Variants in DNAH9 observed in about 807,000 individuals in gnomAD.
DNAH9 encodes the protein DNAH9 variant protein.
In DNAH9, 345 loss-of-function variants were observed where a neutral mutation model predicts 471.6. That is an observed-to-expected ratio of 0.73 (90% CI 0.67 to 0.80). DNAH9 has a LOEUF of 0.80. Ranked by LOEUF, DNAH9 falls within the 30% of genes least tolerant of loss-of-function variation. The pLI is 0.00. For synonymous variants in DNAH9, 2,093 were observed against 2,123.6 expected (o/e 0.99, Z 0.40); for missense variants, 5,407 against 5,609.2 (o/e 0.96, Z 1.15).
chr17:11,821,116 C>G (rs1970293383), intron 45 of DNAH9, among the ~76,000 whole-genome samples: 1 of 151,988 alleles, frequency 6.6e-6, no homozygotes, highest in Admixed American at 6.6e-5. Context: ...AATTCTATCT[C>G]TACTAAAAAT....
intron 26 of DNAH9, among the ~76,000 whole-genome samples, chr17:11,713,096 C>T (rs536286201): frequency 2.0e-5 from 3 of 152,140 alleles, no homozygotes; most frequent in East Asian, 3.9e-4. Flanking sequence ...TTGTTTCCTT[C>T]TTTGTGTTAA....
In DNAH9 at chr17:11,735,175, G is replaced by C. The variant is rs148016823; in HGVS notation, c.5815-3705G>C. 9.2e-3 allele frequency among the ~76,000 whole-genome samples: 1,400 copies of C among 152,244 alleles called. 21 individuals are homozygous for C. The highest frequency in any genetic ancestry group is 0.031 in the African/African-American group (1,308 of 41,532). ...AAATGTTAGGTCTAGATCAGGGCTT[G>C]TCAACCTAAGCACTATTGATGCTTT... On this transcript the variant is annotated intron_variant, in intron 28 of 68. Coordinates refer to ENST00000262442, the MANE Select transcript of DNAH9 (RefSeq NM_001372.4).
At chr17:11,846,670 T>G (rs1321565155) in intron 49 of DNAH9, among the ~76,000 whole-genome samples, 16 of 140,002 alleles carry the variant, frequency 1.1e-4, no homozygotes, top group Non-Finnish European at 2.3e-4. Flanking sequence ...TGTATCCTCT[T>G]TTATTTCCTT....
intron 12 of DNAH9, 90 bp downstream of exon 12, chr17:11,647,288 T>C (rs2073413362): frequency 7.5e-7 from 1 of 1,339,790 alleles, no homozygotes; most frequent in Admixed American, 2.0e-5. Context: ...TTTTATTTTT[T>C]TGAGACGGAG....
At chr17:11,628,643 G>A (rs551947360) in intron 6 of DNAH9, among the ~76,000 whole-genome samples, 1 of 152,262 alleles carries the variant, frequency 6.6e-6, no homozygotes, top group South Asian at 2.1e-4. Context: ...GTCACCCTCT[G>A]GGCATGTCTT....
Position 11,704,449 on chromosome 17 carries a change from C to T in DNAH9, c.5391+7C>T. On this transcript the variant is annotated splice_region_variant and intron_variant, in intron 25 of 68. Coordinates refer to ENST00000262442, the MANE Select transcript of DNAH9 (RefSeq NM_001372.4). The stretch of plus-strand genomic sequence containing the variant: ...CAAGATGATTGCTCAGAAGGTGGGT[C>T]CCAAACATCCAGGGATGCCCACTTT... The T allele has an allele frequency of 1.9e-6, 3 of 1,611,888 alleles. No individual in the cohort carries two copies. The highest frequency in any genetic ancestry group is 2.5e-6 in the Non-Finnish European group (3 of 1,179,650).
At position 11,632,659 on chromosome 17, in the gene DNAH9, A is replaced by T. The variant is rs765565928; in HGVS notation, c.1591A>T (p.Ile531Phe). 4 of 1,611,288 alleles carry T rather than the reference A, an allele frequency of 2.5e-6. No individual in the cohort carries two copies. The highest frequency in any genetic ancestry group is 3.4e-6 in the Non-Finnish European group (4 of 1,177,410). Reference sequence around the variant, plus strand: ...TGACCGAAGATTGGGGACTATCTTTATTCAAGCTTTTGATGATGCACCTGG... The same window carrying T: ...TGACCGAAGATTGGGGACTATCTTTTTTCAAGCTTTTGATGATGCACCTGG... Reference protein sequence around the residue: ...DLDRRLGTIFIQAFDDAPGLE... With the variant: ...DLDRRLGTIFFQAFDDAPGLE... Residue 531 changes from isoleucine (I) to phenylalanine (F), a missense_variant, in exon 8 of 69, where the codon ATT (isoleucine) becomes TTT (phenylalanine). By Grantham distance (21) the Ile-to-Phe change is conservative (BLOSUM62 0). Transcript: ENST00000262442.
chr17:11,608,353 G>A (rs755883355), intron 2 of DNAH9, 28 bp downstream of exon 2: 102 of 1,536,598 alleles, frequency 6.6e-5, no homozygotes, highest in Non-Finnish European at 9.0e-5. Flanking sequence ...GGCCATATGG[G>A]CCTCTGAGAT....
chr17:11,744,361 C>T (rs780570819), intron 30 of DNAH9, among the ~76,000 whole-genome samples: 112 of 152,134 alleles, frequency 7.4e-4, no homozygotes, highest in Non-Finnish European at 2.8e-4. Flanking sequence ...TTTGACAGAA[C>T]CCACTTTAAG....
At chr17:11,850,394 A>G (rs1971373318) in intron 49 of DNAH9, among the ~76,000 whole-genome samples, 1 of 152,212 alleles carries the variant, frequency 6.6e-6, no homozygotes, top group African/African-American at 2.4e-5. Context: ...CACGCCTGTA[A>G]TCCCAGCACT....
At position 11,744,927 on chromosome 17, in the gene DNAH9, A is replaced by G. The variant is rs752058038; in HGVS notation, c.6242A>G (p.Lys2081Arg). Residue 2081 changes from lysine (K) to arginine (R), a missense_variant, in exon 31 of 69, where the codon AAG becomes AGG. Around this residue, in one of 3 missense-constraint regions of DNAH9, gnomAD observed 4,636 missense variants for 4,900.3 expected, o/e 0.95. Transcript: ENST00000262442. ...TCCTTGCGGGATTTCAACATCCCCA[A>G]GATTGTGACTGATGACATGCCCATC... ...MRSLRDFNIP[K>R]IVTDDMPIFM... The G allele has an allele frequency of 6.2e-6, 10 of 1,614,080 alleles. No individual in the cohort carries two copies. The highest frequency in any genetic ancestry group is 1.7e-5 in the Admixed American group (1 of 60,006).
intron 49 of DNAH9, among the ~76,000 whole-genome samples, chr17:11,848,188 A>C (rs953497752): frequency 6.6e-6 from 1 of 152,202 alleles, no homozygotes; most frequent in African/African-American, 2.4e-5. Flanking sequence ...TTTTGCCTGC[A>C]GAAACCCTAA....
At chr17:11,857,509 A>G (rs1181087594) in intron 50 of DNAH9, among the ~76,000 whole-genome samples, 1 of 152,138 alleles carries the variant, frequency 6.6e-6, no homozygotes, top group Non-Finnish European at 1.5e-5. Context: ...CCAATCTCAC[A>G]TACACACACC....
Position 11,807,764 on chromosome 17 carries a change from G to T in DNAH9, c.8453G>T (p.Arg2818Leu). ...ATCAATCGCATCTTGGAGTCCCCGCGGGGAAATGCTCTGCTGGTTGGTGTA... is the reference window on the plus strand; with the variant it reads ...ATCAATCGCATCTTGGAGTCCCCGCTGGGAAATGCTCTGCTGGTTGGTGTA... ...CHINRILESP[R>L]GNALLVGVGG... is the part of the protein sequence containing the mutation. The change falls in exon 44 of 69, where the codon CGG becomes CTG. Residue 2818 changes from arginine (R) to leucine (L), a missense_variant. By Grantham distance (102) the Arg-to-Leu change is moderately radical. Coordinates refer to ENST00000262442, the MANE Select transcript of DNAH9 (RefSeq NM_001372.4). 1 of 1,612,636 alleles carries T rather than the reference G, an allele frequency of 6.2e-7. No individual in the cohort carries two copies. The highest frequency in any genetic ancestry group is 8.5e-7 in the Non-Finnish European group (1 of 1,178,824).
At chr17:11,948,957 AG>A (rs1975255902) in intron 67 of DNAH9, among the ~76,000 whole-genome samples, 1 of 152,176 alleles carries the variant, frequency 6.6e-6, no homozygotes, top group Non-Finnish European at 1.5e-5. Context: ...CCGTGAGCCC[AG>A]GGCAACAGCT....
intron 26 of DNAH9, among the ~76,000 whole-genome samples, chr17:11,716,024 G>A (rs2074954605): frequency 6.6e-6 from 1 of 151,990 alleles, no homozygotes; most frequent in African/African-American, 2.4e-5. Context: ...AGTGGCCCAG[G>A]CGTCATGGCA....
rs777739375 is a variant in DNAH9 at position 11,881,305 on chromosome 17, G to T, written c.10698G>T (p.Leu3566=). The T allele has an allele frequency of 1.9e-5, 30 of 1,614,020 alleles. No individual in the cohort carries two copies. The highest frequency in any genetic ancestry group is 2.2e-5 in the East Asian group (1 of 44,874). ...CTAATCCTCACTACCAGCCTGAGCT[G>T]CAGGCTCAGGCCACCCTGATCAACT... ...KLANPHYQPE[L]QAQATLINFT... Residue 3566 remains leucine, a synonymous_variant, in exon 55 of 69, where the codon CTG becomes CTT. Transcript: ENST00000262442.
chr17:11,968,458 C>G (rs1597914640), intron 68 of DNAH9, among the ~76,000 whole-genome samples: 1 of 152,154 alleles, frequency 6.6e-6, no homozygotes, highest in Non-Finnish European at 1.5e-5. Context: ...TCAGCATTTC[C>G]CAAAGTATGG....
chr17:11,672,198 A>C (rs1179530654), intron 17 of DNAH9, among the ~76,000 whole-genome samples: 1 of 152,068 alleles, frequency 6.6e-6, no homozygotes, highest in East Asian at 1.9e-4. Context: ...TTATTACGTA[A>C]ATTCTCATCT....
Sources: gnomAD v4.1 joint callset for allele counts (sites outside exome capture counted in the v4.1 genomes callset) on GRCh38, gnomAD v4.1.1 for gene constraint, gnomAD v4.1.1 regional missense constraint, MANE v1.5 for transcripts, NCBI Gene and HGNC (gene_info 2026-07-23, HGNC 2026-07-21) for gene names.